Variants in TEDC1 observed in about 807,000 individuals in gnomAD.
The protein encoded by TEDC1 is tubulin epsilon and delta complex protein 1.
A neutral mutation model predicts 59.9 loss-of-function variants in TEDC1; 54 were observed. That is an observed-to-expected ratio of 0.90 (90% CI 0.72 to 1.13). TEDC1 has a LOEUF of 1.13. TEDC1 is among the 50% of genes most tolerant of loss of function. TEDC1 has a pLI of 0.00. For missense variants in TEDC1, 734 were observed against 683.4 expected (o/e 1.07, Z -0.83); for synonymous variants, 353 against 298.1 (o/e 1.18, Z -1.90).
In TEDC1 at chr14:105,491,659, C is replaced by T. The variant is rs983906045; in HGVS notation, c.185C>T (p.Ser62Leu). The change falls in exon 2 of 9, where the codon TCG (serine) becomes TTG (leucine). Residue 62 changes from serine to leucine, a missense_variant. Coordinates refer to ENST00000392523, the MANE Select transcript of TEDC1 (RefSeq NM_001367178.1). ...TGGCAGCTCCTCTTCCGTGTGCTCT[C>T]GCCACTCCCTGCGGGCAACGCCTTG... ...ALWQLLFRVL[S>L]PLPAGNALAS... The T allele has an allele frequency of 1.0e-5, 16 of 1,549,610 alleles. No homozygotes were observed. The African/African-American group carries it at 1.5e-4, about 15-fold the overall frequency.
chr14:105,494,961 C>G (rs1436983253), intron 5 of TEDC1: 1 of 152,302 alleles, frequency 6.6e-6, no homozygotes, highest in Non-Finnish European at 1.5e-5. Context: ...ACCTCCGTCT[C>G]CTGGGTTCAA....
intron 4 of TEDC1, 66 bp downstream of exon 4, chr14:105,492,800 C>A: frequency 6.6e-7 from 1 of 1,507,562 alleles, no homozygotes; most frequent in East Asian, 2.5e-5. Flanking sequence ...AGCTGCCAGT[C>A]CCTGCAGCCC....
chr14:105,497,947 G>A lies in TEDC1; in HGVS notation c.1128G>A (p.Ala376=), dbSNP rs782799114. 71 of 1,542,852 alleles carry A rather than the reference G, an allele frequency of 4.6e-5. 1 individual carries two copies. The highest frequency in any genetic ancestry group is 4.8e-5 in the South Asian group (4 of 83,776). ...TGGAGGAGGAGCTGCGGGAGGCTGC[G>A]GAGCGCAGGCGGGCGGCCTGGGAGG... ...QALEEELREA[A]ERRRAAWEAK... is the part of the protein sequence containing the mutation. The change falls in exon 8 of 9, where the codon GCG becomes GCA. Residue 376 remains alanine (A), a synonymous_variant. Transcript: ENST00000392523.
At position 105,497,406 on chromosome 14, in the gene TEDC1, C is replaced by A. The variant is rs200479980; in HGVS notation, c.941C>A (p.Ala314Glu). 1.3e-6 allele frequency: 2 copies of A among 1,551,790 alleles called. No homozygotes were observed. The highest frequency in any genetic ancestry group is 1.9e-5 in the Admixed American group (1 of 51,344). Residue 314 changes from alanine to glutamate, a missense_variant, in exon 7 of 9, where the codon GCG becomes GAG. Ala to Glu is a moderately radical substitution (Grantham distance 107). Transcript: ENST00000392523. ...RENQRLEAVL[A>E]WRRSELVFWR... ...AACCAGCGCCTGGAGGCTGTCCTGG[C>A]GTGGCGGCGCTCTGAGCTGGTCTTC...
intron 2 of TEDC1, 150 bp from the exon 3 acceptor site, chr14:105,491,957 C>G: frequency 2.1e-6 from 2 of 931,376 alleles, no homozygotes; most frequent in Non-Finnish European, 1.6e-6. Context: ...GTCTCCTCAT[C>G]CTGGTCTGAG....
rs1555441141 is a variant in TEDC1, at chr14:105,498,872, C to T, written c.1414C>T (p.Gln472Ter). Residue 472 changes from glutamine to a stop codon, truncating the protein, a stop_gained, in exon 9 of 9, where the codon CAG (glutamine) becomes TAG (stop). Coordinates refer to ENST00000392523, the MANE Select transcript of TEDC1 (RefSeq NM_001367178.1). LOFTEE classifies it high-confidence loss of function. ...GGCGGTGCTACGTCGACTACAGGGA[C>T]AGTGTCGGCAGGAACTGGCCAGGCT... ...LEAVLRRLQG[Q>*]CRQELARLVG... The T allele has an allele frequency of 1.2e-6, 2 of 1,612,134 alleles. No homozygotes were observed. Among genetic ancestry groups the T allele is most frequent in the Non-Finnish European group, 1.7e-6 (2 of 1,179,750 alleles).
chr14:105,491,155 G>A, upstream of TEDC1: 2 of 1,550,984 alleles, frequency 1.3e-6, no homozygotes, highest in South Asian at 1.2e-5. Context: ...CGGTGATTGG[G>A]TACAGGTCTC....
rs1207362486 is a variant in TEDC1, at chr14:105,497,783, C to T, written c.979-15C>T. ...CCTTGGCTTGGTGCACGCTGTCTCA[C>T]TTGGGTCTCTGTAGGACACGGTCCT... is the stretch of plus-strand genomic sequence containing the variant. On this transcript the variant is annotated splice_polypyrimidine_tract_variant and intron_variant, in intron 7 of 8. Coordinates refer to ENST00000392523, the MANE Select transcript of TEDC1 (RefSeq NM_001367178.1). 1 of 1,529,236 alleles carries T rather than the reference C, an allele frequency of 6.5e-7. No individual in the cohort carries two copies. The highest frequency in any genetic ancestry group is 8.8e-7 in the Non-Finnish European group (1 of 1,134,136). The allele number at this position is 1,529,236 out of a possible 1,614,324, so 94.7% of individuals were successfully genotyped here. A position where few individuals can be genotyped will look rare whatever the true frequency, so the allele number is the denominator to read the frequency against.
intron 4 of TEDC1, among the ~76,000 whole-genome samples, chr14:105,493,376 G>A (rs868951092): frequency 6.6e-5 from 10 of 150,516 alleles, no homozygotes; most frequent in South Asian, 6.5e-4. Flanking sequence ...CAGCTGCTCC[G>A]CTTACTTATG....
chr14:105,491,810 A>G (rs1555439443), intron 2 of TEDC1, 110 bp downstream of exon 2: 1 of 1,157,706 alleles, frequency 8.6e-7, no homozygotes, highest in Non-Finnish European at 1.2e-6. Context: ...GCCCCCACCC[A>G]ACACTGACCC....
At chr14:105,493,715 C>A in intron 4 of TEDC1, 120 bp from the exon 5 acceptor site, 1 of 703,106 alleles carries the variant, frequency 1.4e-6, no homozygotes, top group Non-Finnish European at 2.4e-6. Flanking sequence ...TTTCTCTGAG[C>A]CCTCTTTCCT....
intron 3 of TEDC1, 99 bp from the exon 4 acceptor site, chr14:105,492,480 C>T (rs1405250670): frequency 2.7e-6 from 4 of 1,471,568 alleles, no homozygotes; most frequent in Admixed American, 4.4e-5. Context: ...CAGGGAGCAC[C>T]CGTTGTTTTT....
Position 105,491,730 on chromosome 14 carries a change from G to T in TEDC1, c.226+30G>T, listed in dbSNP as rs1354883800. 4.3e-6 allele frequency: 6 copies of T among 1,387,486 alleles called. No individual in the cohort carries two copies. The Admixed American group carries it at 9.2e-5, about 21-fold the overall frequency. The allele number at this position is 1,387,486 out of a possible 1,614,324, so 85.9% of individuals were successfully genotyped here. A position where few individuals can be genotyped will look rare whatever the true frequency, so the allele number is the denominator to read the frequency against. ...GCCCCGCTCCTGGCCCCGCCCACCC[G>T]GTAGCACTGGCCCCGCCTACTCCTG... is the stretch of plus-strand genomic sequence containing the variant. On this transcript the variant is annotated intron_variant, in intron 2 of 8. Transcript: ENST00000392523.
At position 105,499,197 on chromosome 14, in the gene TEDC1, G is replaced by A. The variant is rs1404364737; in HGVS notation, c.*251G>A. The A allele has an allele frequency of 1.4e-5, 8 of 565,310 alleles. No homozygotes were observed. The highest frequency in any genetic ancestry group is 9.4e-5 in the African/African-American group (5 of 52,974). 35.0% of individuals were successfully genotyped at this position (565,310 alleles called of 1,614,324 possible). The stretch of plus-strand genomic sequence containing the variant: ...AGGCTCAGCCTGGTGGTCTGGAGGG[G>A]ACTCGGAAATAAATTGTAGCAGCTT... On this transcript the variant is annotated 3_prime_UTR_variant, in exon 9 of 9. Coordinates refer to ENST00000392523, the MANE Select transcript of TEDC1 (RefSeq NM_001367178.1).
At position 105,498,749 on chromosome 14, in the gene TEDC1, C is replaced by T. The variant is rs1344899486; in HGVS notation, c.1291C>T (p.His431Tyr). Residue 431 changes from histidine (H) to tyrosine (Y), a missense_variant, in exon 9 of 9, where the codon CAC (histidine) becomes TAC (tyrosine). By Grantham distance (83) the His-to-Tyr change is moderately conservative (BLOSUM62 2). Transcript: ENST00000392523. ...TGGCCCGGCCCAGCCCCATGGGCCACACCGGCTGGTGAGACGAGAGGATGG... is the reference window on the plus strand; with the variant it reads ...TGGCCCGGCCCAGCCCCATGGGCCATACCGGCTGGTGAGACGAGAGGATGG... ...DGGPAQPHGP[H>Y]RLVRREDGAA... The T allele has an allele frequency of 3.2e-6, 5 of 1,559,572 alleles. No individual in the cohort carries two copies. The highest frequency in any genetic ancestry group is 4.3e-6 in the Non-Finnish European group (5 of 1,152,268).
At chr14:105,495,210 CCTG>C (rs2084318178) in intron 5 of TEDC1, 1 of 154,454 alleles carries the variant, frequency 6.5e-6, no homozygotes, top group Non-Finnish European at 1.4e-5. Context: ...CTGGCACTGT[CCTG>C]CTCCAGGTGC....
At chr14:105,492,915 G>A (rs587731267) in intron 4 of TEDC1, among the ~76,000 whole-genome samples, 181 bp downstream of exon 4, 1 of 152,168 alleles carries the variant, frequency 6.6e-6, no homozygotes, top group Non-Finnish European at 1.5e-5. Flanking sequence ...TAGGGGGCAG[G>A]GCTGGGCAGG....
intron 5 of TEDC1, 80 bp from the exon 6 acceptor site, chr14:105,495,800 A>G: frequency 2.6e-6 from 3 of 1,175,482 alleles, no homozygotes; most frequent in Non-Finnish European, 3.5e-6. Context: ...GGGGGCCTGG[A>G]AGTGAGGCCC....
chr14:105,495,994 T>A lies in TEDC1; in HGVS notation c.799T>A (p.Cys267Ser). The A allele has an allele frequency of 6.5e-7, 1 of 1,550,242 alleles. No homozygotes were observed. The highest frequency in any genetic ancestry group is 8.7e-7 in the Non-Finnish European group (1 of 1,146,888). Residue 267 changes from cysteine (C) to serine (S), a missense_variant, in exon 6 of 9, where the codon TGT becomes AGT. Physicochemically the swap from Cys to Ser is moderately radical, Grantham distance 112. Coordinates refer to ENST00000392523, the MANE Select transcript of TEDC1 (RefSeq NM_001367178.1). The stretch of plus-strand genomic sequence containing the variant: ...CTTCTGGAATGATCTGTGGCTGGTA[T>A]GTGAGCAGCCAGGTCTGCTGCCGGG... ...RTFWNDLWLV[C>S]EQPGLLPGDW...
Sources: allele counts gnomAD v4.1 joint callset (sites outside exome capture counted in the v4.1 genomes callset), GRCh38; gene constraint gnomAD v4.1.1; transcripts MANE v1.5; gene names NCBI Gene and HGNC (gene_info 2026-07-23, HGNC 2026-07-21).